The following SLC30A1 variants were observed in gnomAD, a reference collection of about 807,000 sequenced individuals.
SLC30A1 encodes the protein solute carrier family 30 member 1.
SLC30A1 carries 7 observed loss-of-function variants against 29.8 expected under a neutral mutation model. The observed-to-expected ratio is 0.23, with a 90% CI of 0.13 to 0.44. The LOEUF is 0.44. Ranked by LOEUF, SLC30A1 falls within the 20% of genes least tolerant of loss-of-function variation. SLC30A1 has a pLI of 1.00. For missense variants in SLC30A1, 446 were observed against 647.9 expected (o/e 0.69, Z 3.38); for synonymous variants, 254 against 253.5 (o/e 1.00, Z -0.02).
Position 211,578,847 on chromosome 1 carries a change from C to T in SLC30A1, c.-235G>A, listed in dbSNP as rs1024869504. 3.1e-6 allele frequency: 1 copy of T among 317,602 alleles called. No individual in the cohort carries two copies. Among genetic ancestry groups the T allele is most frequent in the Non-Finnish European group, 5.7e-6 (1 of 175,696 alleles). 19.7% of individuals were successfully genotyped at this position (317,602 alleles called of 1,614,324 possible). On this transcript the variant is annotated 5_prime_UTR_variant, in exon 1 of 2. Transcript: ENST00000367001. ...GCGCCGCGCCGCGCAGCTCCTCAGG[C>T]GTCCGTCCTCAGAGCCGGCGCCGAG... is the stretch of plus-strand genomic sequence containing the variant.
At position 211,577,023 on chromosome 1, in the gene SLC30A1, G is replaced by A. The variant is rs531719056; in HGVS notation, c.623-734C>T. Among the ~76,000 whole-genome samples the A allele has an allele frequency of 3.3e-4, 51 of 152,322 alleles. 1 individual carries two copies. The highest frequency in any genetic ancestry group is 1.5e-3 in the East Asian group (8 of 5,184). ...TTGGAATAACACCTTGCCGAGTGGA[G>A]TGAGAGGAAAACCAATTACTTATTA... is the stretch of plus-strand genomic sequence containing the variant. On this transcript the variant is annotated intron_variant, in intron 1 of 1. Coordinates refer to ENST00000367001, the MANE Select transcript of SLC30A1 (RefSeq NM_021194.3). This position sits in a 1 kb window ranked among gnomAD's most constrained non-coding sequence, Gnocchi z 4.5.
Position 211,574,874 on chromosome 1 carries a change from T to C in SLC30A1, c.*514A>G, listed in dbSNP as rs538451706. 6.5e-6 allele frequency: 1 copy of C among 153,606 alleles called. No homozygotes were observed. The highest frequency in any genetic ancestry group is 2.0e-4 in the South Asian group (1 of 4,910). The allele number at this position is 153,606 out of a possible 1,614,324, so 9.5% of individuals were successfully genotyped here. A position where few individuals can be genotyped will look rare whatever the true frequency, so the allele number is the denominator to read the frequency against. ...AGTAACTGATCTTATTTCCTACTAA[T>C]AGCCATGAGTCACTCTTAAAATATG... On this transcript the variant is annotated 3_prime_UTR_variant, in exon 2 of 2. Transcript: ENST00000367001.
chr1:211,579,123 A>G lies in SLC30A1; in HGVS notation c.-511T>C, dbSNP rs1024318962. ...CTGAGGAGCTAGAGAGGCGGCGGCC[A>G]CGGCAGCTGCACTCGGCCCGGTCTC... is the stretch of plus-strand genomic sequence containing the variant. On this transcript the variant is annotated 5_prime_UTR_variant, in exon 1 of 2. Coordinates refer to ENST00000367001, the MANE Select transcript of SLC30A1 (RefSeq NM_021194.3). Among the ~76,000 whole-genome samples the G allele has an allele frequency of 1.3e-5, 2 of 152,174 alleles. No homozygotes were observed. Among genetic ancestry groups the G allele is most frequent in the Non-Finnish European group, 2.9e-5 (2 of 68,008 alleles).
In SLC30A1 at chr1:211,572,869, AG is replaced by A. The variant is rs1191565295; in HGVS notation, c.*2518del. On this transcript the variant is annotated 3_prime_UTR_variant, in exon 2 of 2. Coordinates refer to ENST00000367001, the MANE Select transcript of SLC30A1 (RefSeq NM_021194.3). Reference sequence around the variant, plus strand: ...TTTCACTAAACTGAGACAACAGACAAGTTTCTAAACACATATTCTACACTGA... The same window carrying A: ...TTTCACTAAACTGAGACAACAGACAATTTCTAAACACATATTCTACACTGA... The A allele has an allele frequency of 6.6e-6, 1 of 152,100 alleles. No homozygotes were observed. Among genetic ancestry groups the A allele is most frequent in the Non-Finnish European group, 1.5e-5 (1 of 67,940 alleles). The allele number at this position is 152,100 out of a possible 1,614,324, so 9.4% of individuals were successfully genotyped here. A position where few individuals can be genotyped will look rare whatever the true frequency, so the allele number is the denominator to read the frequency against.
chr1:211,575,644 C>G lies in SLC30A1; in HGVS notation c.1268G>C (p.Ser423Thr). The change falls in exon 2 of 2, where the codon AGT (serine) becomes ACT (threonine). Residue 423 changes from serine to threonine, a missense_variant. Ser to Thr is a moderately conservative substitution (Grantham distance 58). Around this residue, in one of 5 missense-constraint regions of SLC30A1, gnomAD observed 187 missense variants for 312.7 expected, o/e 0.60. Transcript: ENST00000367001. The surrounding 1 kb of genome is among the most constrained non-coding windows in gnomAD (Gnocchi z 6.0). Reference protein sequence around the residue: ...HATTIQPEFASVGSKSSVVPC... With the variant: ...HATTIQPEFATVGSKSSVVPC... ...AACTACACTTGATTTAGAGCCTACA[C>G]TAGCAAATTCAGGCTGAATGGTAGT... is the stretch of plus-strand genomic sequence containing the variant. 1 of 1,614,190 alleles carries G rather than the reference C, an allele frequency of 6.2e-7. No homozygotes were observed. The highest frequency in any genetic ancestry group is 8.5e-7 in the Non-Finnish European group (1 of 1,180,022).
Position 211,576,235 on chromosome 1 carries a change from A to T in SLC30A1, c.677T>A (p.Leu226His), listed in dbSNP as rs1379972363. The change falls in exon 2 of 2, where the codon CTT becomes CAT. Residue 226 changes from leucine (L) to histidine (H), a missense_variant. Leu to His is a moderately conservative substitution (Grantham distance 99, BLOSUM62 -3). Coordinates refer to ENST00000367001, the MANE Select transcript of SLC30A1 (RefSeq NM_021194.3). The stretch of plus-strand genomic sequence containing the variant: ...TTCCATATGGTCAGGTTCTCTGACA[A>T]GATTTCCATTCACTTGTACTTCCAC... ...DTVEVQVNGN[L>H]VREPDHMELE... 1 of 1,612,072 alleles carries T rather than the reference A, an allele frequency of 6.2e-7. No homozygotes were observed.
At position 211,577,186 on chromosome 1, in the gene SLC30A1, T is replaced by C. The variant is rs1035377526; in HGVS notation, c.622+805A>G. On this transcript the variant is annotated intron_variant, in intron 1 of 1. Coordinates refer to ENST00000367001, the MANE Select transcript of SLC30A1 (RefSeq NM_021194.3). The surrounding 1 kb of genome is among the most constrained non-coding windows in gnomAD (Gnocchi z 4.5). ...AATAAGACCAAATTGTTAAGCACCA[T>C]TGAGCTTGGGTAGTAGGACACTGGT... Among the ~76,000 whole-genome samples, 4 of 152,220 alleles carry C rather than the reference T, an allele frequency of 2.6e-5. No homozygotes were observed. Among genetic ancestry groups the C allele is most frequent in the African/African-American group, 9.6e-5 (4 of 41,452 alleles).
rs1019690402 is a variant in SLC30A1, at chr1:211,572,050, T to C, written c.*3338A>G. ...AAAATTTTTGGTTTAAAAGTTTAAA[T>C]TGAATAACATACAAAAGGCTCTTGT... On this transcript the variant is annotated 3_prime_UTR_variant, in exon 2 of 2. Transcript: ENST00000367001. 6.6e-6 allele frequency: 1 copy of C among 152,132 alleles called. No homozygotes were observed. Among genetic ancestry groups the C allele is most frequent in the Non-Finnish European group, 1.5e-5 (1 of 67,966 alleles). 9.4% of individuals were successfully genotyped at this position (152,132 alleles called of 1,614,324 possible).
Position 211,577,862 on chromosome 1 carries a change from G to T in SLC30A1, c.622+129C>A. 1.6e-6 allele frequency: 2 copies of T among 1,241,518 alleles called. No homozygotes were observed. Among genetic ancestry groups the T allele is most frequent in the Middle Eastern group, 2.8e-4 (1 of 3,510 alleles). 76.9% of individuals were successfully genotyped at this position (1,241,518 alleles called of 1,614,324 possible). A position where few individuals can be genotyped will look rare whatever the true frequency, so the allele number is the denominator to read the frequency against. Reference sequence around the variant, plus strand: ...GGGGCGTGTGCAGGACGGGGAGGGAGCAGGCAGGGGCGGCGCGGCGCAGGC... The same window carrying T: ...GGGGCGTGTGCAGGACGGGGAGGGATCAGGCAGGGGCGGCGCGGCGCAGGC... On this transcript the variant is annotated intron_variant, in intron 1 of 1. Coordinates refer to ENST00000367001, the MANE Select transcript of SLC30A1 (RefSeq NM_021194.3). This position sits in a 1 kb window ranked among gnomAD's most constrained non-coding sequence, Gnocchi z 4.5.
In SLC30A1 at chr1:211,577,149, G is replaced by GT. The variant is rs1354942899; in HGVS notation, c.622+841dup. 6.6e-6 allele frequency among the ~76,000 whole-genome samples: 1 copy of GT among 152,162 alleles called. No individual in the cohort carries two copies. Among genetic ancestry groups the GT allele is most frequent in the Non-Finnish European group, 1.5e-5 (1 of 68,028 alleles). On this transcript the variant is annotated intron_variant, in intron 1 of 1. Transcript: ENST00000367001. This position sits in a 1 kb window ranked among gnomAD's most constrained non-coding sequence, Gnocchi z 4.5. ...TTATAATGATACAAGGTAAATAAAC[G>GT]TAAGTGAAGGAAATAAGACCAAATT...
At position 211,576,403 on chromosome 1, in the gene SLC30A1, TA is replaced by T. The variant is rs1387036107; in HGVS notation, c.623-115del. 45 of 645,610 alleles carry T rather than the reference TA, an allele frequency of 7.0e-5. No homozygotes were observed. In the East Asian group the frequency reaches 1.2e-3, roughly 17 times the overall value. The allele number at this position is 645,610 out of a possible 1,614,324, so 40.0% of individuals were successfully genotyped here. A position where few individuals can be genotyped will look rare whatever the true frequency, so the allele number is the denominator to read the frequency against. The stretch of plus-strand genomic sequence containing the variant: ...TGAAAATTTTTTCAGAAAGTACAAT[TA>T]AAAAAATGTGCTCAGAGCAATTTAA... On this transcript the variant is annotated intron_variant, in intron 1 of 1. Transcript: ENST00000367001.
chr1:211,576,214 A>G lies in SLC30A1; in HGVS notation c.698T>C (p.Met233Thr). The G allele has an allele frequency of 6.2e-7, 1 of 1,613,108 alleles. No individual in the cohort carries two copies. Among genetic ancestry groups the G allele is most frequent in the Admixed American group, 1.7e-5 (1 of 60,002 alleles). The change falls in exon 2 of 2, where the codon ATG (methionine) becomes ACG (threonine). Residue 233 changes from methionine (M) to threonine (T), a missense_variant. Around this residue, in one of 5 missense-constraint regions of SLC30A1, gnomAD observed 159 missense variants for 161.1 expected, o/e 0.99. Transcript: ENST00000367001. The stretch of plus-strand genomic sequence containing the variant: ...TCCAGCCCTATCTTCTTCCAGTTCC[A>G]TATGGTCAGGTTCTCTGACAAGATT... ...NGNLVREPDH[M>T]ELEEDRAGQL...
chr1:211,576,862 A>C (rs561362839), intron 1 of SLC30A1, among the ~76,000 whole-genome samples: 2 of 151,888 alleles, frequency 1.3e-5, no homozygotes, highest in Non-Finnish European at 2.9e-5. Flanking sequence ...AGAAAAATTG[A>C]AACTAAATGA....
Position 211,578,587 on chromosome 1 carries a change from C to T in SLC30A1, c.26G>A (p.Gly9Asp), listed in dbSNP as rs750355483. 1.9e-6 allele frequency: 3 copies of T among 1,601,096 alleles called. No individual in the cohort carries two copies. The highest frequency in any genetic ancestry group is 4.5e-5 in the East Asian group (2 of 44,662). Reference protein sequence around the residue: MGCWGRNRGRLLCMLALTF... With the variant: MGCWGRNRDRLLCMLALTF... ...CAGCGCCAGCATGCACAGCAGCCGG[C>T]CCCGGTTCCGACCCCAACACCCCAT... The change falls in exon 1 of 2, where the codon GGC becomes GAC. Residue 9 changes from glycine (G) to aspartate (D), a missense_variant. Coordinates refer to ENST00000367001, the MANE Select transcript of SLC30A1 (RefSeq NM_021194.3).
Position 211,578,442 on chromosome 1 carries a change from GGCCACCAGCGCC to G in SLC30A1, c.159_170del (p.Ala54_Ala57del). On this transcript the variant is annotated inframe_deletion, in exon 1 of 2. Transcript: ENST00000367001. The stretch of plus-strand genomic sequence containing the variant: ...CGTGGGTCCGCCGGGCGAAGCGCTC[GGCCACCAGCGCC>G]ACCACCAGCGCCAGCACGTCCGACA... 6.2e-7 allele frequency: 1 copy of G among 1,612,162 alleles called. No homozygotes were observed. Among genetic ancestry groups the G allele is most frequent in the Non-Finnish European group, 8.5e-7 (1 of 1,179,474 alleles).
Position 211,575,596 on chromosome 1 carries a change from G to T in SLC30A1, c.1316C>A (p.Thr439Asn). Reference protein sequence around the residue: ...SVVPCELACRTQCALKQCCGT... With the variant: ...SVVPCELACRNQCALKQCCGT... ...ACAACATTGCTTCAAAGCACACTGG[G>T]TTCTGCAGGCAAGTTCACACGGAAC... The change falls in exon 2 of 2, where the codon ACC (threonine) becomes AAC (asparagine). Residue 439 changes from threonine (T) to asparagine (N), a missense_variant. Thr to Asn is a moderately conservative substitution (Grantham distance 65). Around this residue, in one of 5 missense-constraint regions of SLC30A1, gnomAD observed 187 missense variants for 312.7 expected, o/e 0.60. Transcript: ENST00000367001. This position sits in a 1 kb window ranked among gnomAD's most constrained non-coding sequence, Gnocchi z 6.0. 1 of 1,614,072 alleles carries T rather than the reference G, an allele frequency of 6.2e-7. No homozygotes were observed. Among genetic ancestry groups the T allele is most frequent in the Non-Finnish European group, 8.5e-7 (1 of 1,179,952 alleles).
chr1:211,578,460 C>G lies in SLC30A1; in HGVS notation c.153G>C (p.Leu51=). 6.2e-7 allele frequency: 1 copy of G among 1,612,760 alleles called. No homozygotes were observed. Among genetic ancestry groups the G allele is most frequent in the African/African-American group, 1.3e-5 (1 of 75,024 alleles). Residue 51 remains leucine, a synonymous_variant, in exon 1 of 2, where the codon CTG becomes CTC. Transcript: ENST00000367001. ...SFHMLSDVLA[L]VVALVAERFA... ...AGCGCTCGGCCACCAGCGCCACCAC[C>G]AGCGCCAGCACGTCCGACAGCATGT... is the stretch of plus-strand genomic sequence containing the variant.
In SLC30A1 at chr1:211,578,020, T is replaced by C; in HGVS notation, c.593A>G (p.Asn198Ser). 1.2e-6 allele frequency: 2 copies of C among 1,613,136 alleles called. No individual in the cohort carries two copies. The highest frequency in any genetic ancestry group is 1.7e-6 in the Non-Finnish European group (2 of 1,179,838). Residue 198 changes from asparagine to serine, a missense_variant, in exon 1 of 2, where the codon AAC becomes AGC. By Grantham distance (46) the Asn-to-Ser change is conservative. Coordinates refer to ENST00000367001, the MANE Select transcript of SLC30A1 (RefSeq NM_021194.3). ...GGGGTCCAATTTCAGCCCGTTGGAG[T>C]TGCTGGTATTGGCCACCAGGGTGTT... ...ETNTLVANTS[N>S]SNGLKLDPAD...
Position 211,578,209 on chromosome 1 carries a change from T to C in SLC30A1, c.404A>G (p.His135Arg). The C allele has an allele frequency of 1.2e-6, 2 of 1,610,848 alleles. No individual in the cohort carries two copies. The highest frequency in any genetic ancestry group is 1.7e-6 in the Non-Finnish European group (2 of 1,179,080). The change falls in exon 1 of 2, where the codon CAC (histidine) becomes CGC (arginine). Residue 135 changes from histidine to arginine, a missense_variant. This residue lies in a region of SLC30A1 where 159 missense variants were observed against 161.1 expected (regional missense o/e 0.99). Coordinates refer to ENST00000367001, the MANE Select transcript of SLC30A1 (RefSeq NM_021194.3). ...GTCCTGGCTGAAGCCGCTGTGATGG[T>C]GGAAGAGGCAGAGCCCCAGCACGTT... The part of the protein sequence containing the change: ...LVNVLGLCLF[H>R]HHSGFSQDSG...
Sources: gnomAD v4.1 joint callset for allele counts (sites outside exome capture counted in the v4.1 genomes callset) on GRCh38, gnomAD v4.1.1 for gene constraint, gnomAD v4.1.1 regional missense constraint, Gnocchi (gnomAD v3.1) non-coding constraint, MANE v1.5 for transcripts, NCBI Gene and HGNC (gene_info 2026-07-23, HGNC 2026-07-21) for gene names.